Variants in TADA2A observed in about 807,000 individuals in gnomAD.
TADA2A encodes transcriptional adaptor 2A.
A neutral mutation model predicts 67.4 loss-of-function variants in TADA2A; 38 were observed. The ratio of observed to expected loss-of-function variants is 0.56; its 90% CI spans 0.44 to 0.74. TADA2A has a LOEUF of 0.74. TADA2A is among the 30% of genes least tolerant of loss of function. The pLI is 0.00. For synonymous variants in TADA2A, 192 were observed against 181.6 expected (o/e 1.06, Z -0.46); for missense variants, 454 against 547.0 (o/e 0.83, Z 1.70).
chr17:37,434,662 AAT>A (rs2052669028), intron 4 of TADA2A, among the ~76,000 whole-genome samples: 1 of 152,204 alleles, frequency 6.6e-6, no homozygotes, highest in South Asian at 2.1e-4. Context: ...TTAATCTTTT[AAT>A]TCTATCACTC....
intron 10 of TADA2A, among the ~76,000 whole-genome samples, chr17:37,465,013 G>A (rs559257099): frequency 9.7e-4 from 148 of 152,000 alleles, no homozygotes; most frequent in Non-Finnish European, 2.0e-3. Context: ...TGGGTGTAGT[G>A]GCGGGCGCCT....
intron 9 of TADA2A, among the ~76,000 whole-genome samples, chr17:37,460,815 A>G (rs1396840400): frequency 2.0e-5 from 3 of 152,154 alleles, no homozygotes; most frequent in Admixed American, 2.0e-4. Context: ...CTAACTGTAG[A>G]CACAGTGATA....
At chr17:37,427,292 G>A (rs2147935605) in intron 4 of TADA2A, among the ~76,000 whole-genome samples, 1 of 152,282 alleles carries the variant, frequency 6.6e-6, no homozygotes, top group East Asian at 1.9e-4. Context: ...AAATACTTTT[G>A]ATATGAGGAT....
Position 37,476,849 on chromosome 17 carries a change from C to T in TADA2A, c.1199C>T (p.Ala400Val). 3 of 1,614,126 alleles carry T rather than the reference C, an allele frequency of 1.9e-6. No individual in the cohort carries two copies. Among genetic ancestry groups the T allele is most frequent in the Non-Finnish European group, 2.5e-6 (3 of 1,179,994 alleles). The stretch of plus-strand genomic sequence containing the variant: ...GGAGCCTATTTAGAATACAAATCTG[C>T]TCTATTGAACGAATGTAACAAGCAA... ...VPGAYLEYKS[A>V]LLNECNKQGG... The change falls in exon 16 of 16, where the codon GCT becomes GTT. Residue 400 changes from alanine (A) to valine (V), a missense_variant. Coordinates refer to ENST00000615182, the MANE Select transcript of TADA2A (RefSeq NM_001166105.3).
intron 15 of TADA2A, among the ~76,000 whole-genome samples, chr17:37,474,970 A>G (rs1031833894): frequency 1.3e-5 from 2 of 152,174 alleles, no homozygotes; most frequent in Non-Finnish European, 2.9e-5. Flanking sequence ...AACCTAAAGT[A>G]ACTTCTACAT....
chr17:37,445,557 C>T (rs1166615326), intron 8 of TADA2A, among the ~76,000 whole-genome samples: 2 of 152,304 alleles, frequency 1.3e-5, no homozygotes, highest in East Asian at 1.9e-4. Context: ...TGAACCACCA[C>T]GCCTGCCCCA....
intron 4 of TADA2A, among the ~76,000 whole-genome samples, chr17:37,433,154 T>C (rs2052622377): frequency 6.6e-6 from 1 of 151,914 alleles, no homozygotes; most frequent in Non-Finnish European, 1.5e-5. Context: ...AGTTTTGCCA[T>C]GTTGTCCAGG....
intron 3 of TADA2A, 199 bp from the exon 4 acceptor site, chr17:37,426,751 A>G (rs1597865839): frequency 2.2e-6 from 1 of 450,380 alleles, no homozygotes; most frequent in Non-Finnish European, 3.9e-6. Context: ...AGACTGAGGT[A>G]CAAGGATCCC....
intron 8 of TADA2A, 90 bp from the exon 9 acceptor site, chr17:37,458,434 G>C (rs1275757904): frequency 3.3e-6 from 3 of 899,162 alleles, no homozygotes; most frequent in Non-Finnish European, 2.9e-6. Context: ...TCAAAGTTTG[G>C]GTAAAAGATT....
chr17:37,456,543 G>C (rs528810888), intron 8 of TADA2A, among the ~76,000 whole-genome samples: 1 of 152,126 alleles, frequency 6.6e-6, no homozygotes, highest in Non-Finnish European at 1.5e-5. Flanking sequence ...AAGACTCATC[G>C]ACTATGGAGG....
intron 12 of TADA2A, 25 bp downstream of exon 12, chr17:37,467,550 G>A (rs755096764): frequency 5.7e-6 from 9 of 1,571,378 alleles, no homozygotes; most frequent in African/African-American, 4.1e-5. Flanking sequence ...GCTACATACC[G>A]TACTTGAGGG....
At chr17:37,439,938 AT>A (rs71135724) in intron 5 of TADA2A, among the ~76,000 whole-genome samples, 29,762 of 105,156 alleles carry the variant, frequency 0.28, 3,367 homozygotes, top group Middle Eastern at 0.4. Context: ...TTATTTATTT[AT>A]TTATTATTTT....
chr17:37,466,587 A>T (rs547363320), intron 11 of TADA2A, among the ~76,000 whole-genome samples: 7 of 152,286 alleles, frequency 4.6e-5, no homozygotes, highest in Non-Finnish European at 1.5e-5. Flanking sequence ...TATTTCTTAC[A>T]TAGCATTGCA....
intron 15 of TADA2A, among the ~76,000 whole-genome samples, 187 bp from the exon 16 acceptor site, chr17:37,476,610 G>C (rs1027722345): frequency 6.6e-6 from 1 of 152,150 alleles, no homozygotes; most frequent in African/African-American, 2.4e-5. Flanking sequence ...CTCTTCCTGG[G>C]TGTGTGTCCT....
In TADA2A at chr17:37,409,754, C is replaced by T. The variant is rs939232366; in HGVS notation, c.-97-1515C>T. ...TGCATTCCAGCCTAGGCAACGAGAG[C>T]GAGACTTAGTCTCAAAAAAAAACAA... On this transcript the variant is annotated intron_variant, in intron 1 of 15. Coordinates refer to ENST00000615182, the MANE Select transcript of TADA2A (RefSeq NM_001166105.3). 3.0e-4 allele frequency among the ~76,000 whole-genome samples: 41 copies of T among 138,596 alleles called. 1 individual carries two copies. The highest frequency in any genetic ancestry group is 2.2e-3 in the Admixed American group (29 of 13,054). The allele number at this position is 138,596 out of a possible 152,430, so 90.9% of individuals were successfully genotyped here. A position where few individuals can be genotyped will look rare whatever the true frequency, so the allele number is the denominator to read the frequency against.
At chr17:37,437,617 C>T (rs1006066499) in intron 4 of TADA2A, 121 bp from the exon 5 acceptor site, 3 of 769,678 alleles carry the variant, frequency 3.9e-6, no homozygotes, top group Non-Finnish European at 6.5e-6. Context: ...GAACTCCTGA[C>T]CTCAGGTGAT....
chr17:37,415,337 C>T (rs1370237486), intron 2 of TADA2A, among the ~76,000 whole-genome samples: 1 of 152,120 alleles, frequency 6.6e-6, no homozygotes, highest in Non-Finnish European at 1.5e-5. Flanking sequence ...TGTCCTCATT[C>T]TGTTTTTTAT....
intron 2 of TADA2A, among the ~76,000 whole-genome samples, chr17:37,412,670 G>A (rs2051914118): frequency 6.6e-6 from 1 of 151,716 alleles, no homozygotes; most frequent in South Asian, 2.1e-4. Context: ...TATAATCCCA[G>A]CTACACGGGA....
chr17:37,416,591 A>C (rs778190109), intron 2 of TADA2A, among the ~76,000 whole-genome samples: 63 of 152,168 alleles, frequency 4.1e-4, no homozygotes, highest in Non-Finnish European at 1.0e-4. Flanking sequence ...ACTCGGCCAC[A>C]CATGGTGGCT....
Sources: allele counts gnomAD v4.1 joint callset (sites outside exome capture counted in the v4.1 genomes callset), GRCh38; gene constraint gnomAD v4.1.1; transcripts MANE v1.5; gene names NCBI Gene and HGNC (gene_info 2026-07-23, HGNC 2026-07-21).